The following IL16 variants were observed in gnomAD, a reference collection of about 807,000 sequenced individuals.
IL16 encodes the protein pro-interleukin-16.
IL16 carries 67 observed loss-of-function variants against 110.1 expected under a neutral mutation model. The observed-to-expected ratio is 0.61, with a 90% CI of 0.50 to 0.75. IL16 has a LOEUF of 0.75. Ranked by LOEUF, IL16 falls within the 30% of genes least tolerant of loss-of-function variation. The pLI, the probability that IL16 is intolerant of heterozygous loss-of-function variation, is 0.00. For synonymous variants in IL16, 689 were observed against 662.9 expected, an observed-to-expected ratio of 1.04 and a Z score of -0.61; for missense variants, 1,545 against 1,655.0, an observed-to-expected ratio of 0.93 and a Z score of 1.15.
chr15:81,290,675 G>T, intron 11 of IL16, 135 bp downstream of exon 11: 1 of 512,444 alleles, frequency 2.0e-6, no homozygotes. Flanking sequence ...GTAGACAAAG[G>T]CTGAAAACTA....
At chr15:81,182,883 G>C (rs554802930) in exon 1 of IL16, 39 of 1,289,392 alleles carry the variant, frequency 3.0e-5, no homozygotes, top group Non-Finnish European at 3.6e-5. Context: ...GAGTCTTCCC[G>C]AGAAGGCAGA....
intron 1 of IL16, among the ~76,000 whole-genome samples, chr15:81,189,336 C>T (rs566887377): frequency 5.9e-5 from 9 of 152,216 alleles, no homozygotes; most frequent in Non-Finnish European, 1.2e-4. Flanking sequence ...GTTGACCCAG[C>T]TTGTGTCCAA....
chr15:81,208,730 T>C (rs191166606), intron 1 of IL16, among the ~76,000 whole-genome samples: 1 of 152,330 alleles, frequency 6.6e-6, no homozygotes, highest in Non-Finnish European at 1.5e-5. Flanking sequence ...ATGATGCATA[T>C]TATCAAATAT....
chr15:81,286,947 C>T (rs1899479318), intron 10 of IL16, among the ~76,000 whole-genome samples: 1 of 152,178 alleles, frequency 6.6e-6, no homozygotes, highest in Non-Finnish European at 1.5e-5. Flanking sequence ...AAAGGGGAAA[C>T]CCCTTATAAA....
At chr15:81,199,030 A>AAAAATAT (rs1555411597) in intron 1 of IL16, among the ~76,000 whole-genome samples, 1 of 104,202 alleles carries the variant, frequency 9.6e-6, no homozygotes, top group South Asian at 3.3e-4. Context: ...AAAAAAAAAA[A>AAAAATAT]ATATATATAT....
intron 5 of IL16, 23 bp downstream of exon 5, chr15:81,269,671 A>G: frequency 6.4e-7 from 1 of 1,553,574 alleles, no homozygotes; most frequent in Non-Finnish European, 8.9e-7. Context: ...TGTGGCCAAC[A>G]GGAAGTCCTG....
rs772823422 is a variant in IL16, at chr15:81,265,651, T to C, written c.422-8T>C. The C allele has an allele frequency of 6.2e-7, 1 of 1,612,240 alleles. No homozygotes were observed. The highest frequency in any genetic ancestry group is 8.5e-7 in the Non-Finnish European group (1 of 1,179,376). Reference sequence around the variant, plus strand: ...TGATTTCTTGCTGTTTTTCCTCTTCTGGTTTAGGTGTTAATCCCTATTGCA... The same window carrying C: ...TGATTTCTTGCTGTTTTTCCTCTTCCGGTTTAGGTGTTAATCCCTATTGCA... On this transcript the variant is annotated splice_polypyrimidine_tract_variant and splice_region_variant and intron_variant, in intron 3 of 18. Transcript: ENST00000683961.
intron 7 of IL16, among the ~76,000 whole-genome samples, chr15:81,279,295 C>T (rs1178783729): frequency 6.6e-6 from 1 of 152,150 alleles, no homozygotes; most frequent in African/African-American, 2.4e-5. Flanking sequence ...ATCCATCTAT[C>T]TATCCATCCA....
chr15:81,234,531 A>G (rs1374014460), intron 2 of IL16, among the ~76,000 whole-genome samples: 1 of 152,040 alleles, frequency 6.6e-6, no homozygotes, highest in Admixed American at 6.6e-5. Context: ...AGGACACACA[A>G]CTCCATTTAT....
chr15:81,184,893 A>T (rs765385947), intron 1 of IL16, among the ~76,000 whole-genome samples: 13 of 152,176 alleles, frequency 8.5e-5, no homozygotes, highest in Non-Finnish European at 1.2e-4. Flanking sequence ...ACATGTGCAG[A>T]TTCTGAGCAT....
At chr15:81,254,241 G>C (rs1029183468) in intron 2 of IL16, among the ~76,000 whole-genome samples, 1 of 152,152 alleles carries the variant, frequency 6.6e-6, no homozygotes, top group African/African-American at 2.4e-5. Flanking sequence ...GTCAGCCAGG[G>C]CTGGCTACAT....
intron 2 of IL16, among the ~76,000 whole-genome samples, chr15:81,233,011 T>A (rs1028291548): frequency 3.3e-5 from 5 of 152,188 alleles, no homozygotes; most frequent in African/African-American, 9.6e-5. Flanking sequence ...TGGAAAGGTT[T>A]TAAATTATCA....
Position 81,231,393 on chromosome 15 carries a change from G to C in IL16, c.312+5682G>C, listed in dbSNP as rs72744148. Among the ~76,000 whole-genome samples the C allele has an allele frequency of 7.9e-3, 875 of 110,630 alleles. 4 individuals are homozygous for C. Among genetic ancestry groups the C allele is most frequent in the Non-Finnish European group, 0.012 (644 of 55,072 alleles). The allele number at this position is 110,630 out of a possible 152,430, so 72.6% of individuals were successfully genotyped here. A position where few individuals can be genotyped will look rare whatever the true frequency, so the allele number is the denominator to read the frequency against. On this transcript the variant is annotated intron_variant, in intron 2 of 18. Transcript: ENST00000683961. Reference sequence around the variant, plus strand: ...CTCTCTCTCTCTCTCCCTCTCTTAAGACAGGGTCTTGCTTTGTCACCCAGG... The same window carrying C: ...CTCTCTCTCTCTCTCCCTCTCTTAACACAGGGTCTTGCTTTGTCACCCAGG...
chr15:81,211,740 A>G (rs1896251833), intron 1 of IL16, among the ~76,000 whole-genome samples: 3 of 152,180 alleles, frequency 2.0e-5, no homozygotes. Context: ...GAATTTTATC[A>G]GAAGTTTTTT....
chr15:81,253,075 T>C (rs886297020), intron 2 of IL16, among the ~76,000 whole-genome samples: 5 of 152,174 alleles, frequency 3.3e-5, no homozygotes, highest in African/African-American at 1.2e-4. Context: ...CCCTGCTCCA[T>C]TTTACATTTC....
intron 4 of IL16, among the ~76,000 whole-genome samples, chr15:81,269,172 T>C (rs1898520749): frequency 6.6e-6 from 1 of 151,600 alleles, no homozygotes; most frequent in South Asian, 2.1e-4. Flanking sequence ...TTGAACATAG[T>C]CTCAGGGCGT....
At chr15:81,296,825 G>T in intron 12 of IL16, 103 bp from the exon 13 acceptor site, 1 of 1,037,508 alleles carries the variant, frequency 9.6e-7, no homozygotes, top group Non-Finnish European at 1.4e-6. Context: ...CTCACTGAAA[G>T]CAGCTCAATA....
chr15:81,293,012 G>A lies in IL16; in HGVS notation c.1877G>A (p.Gly626Glu). Residue 626 changes from glycine to glutamate, a missense_variant, in exon 12 of 19, where the codon GGG becomes GAG. This residue lies in a region of IL16 where 1,185 missense variants were observed against 1,238.8 expected (regional missense o/e 0.96). Transcript: ENST00000683961. ...AGAGAGAACTCCTCATGCTCTTCTG[G>A]GCACACCCCACCCACCTGTGGCCAG... ...EERENSSCSS[G>E]HTPPTCGQEA... The A allele has an allele frequency of 1.2e-6, 2 of 1,609,910 alleles. No homozygotes were observed. Among genetic ancestry groups the A allele is most frequent in the East Asian group, 4.5e-5 (2 of 44,882 alleles).
intron 1 of IL16, among the ~76,000 whole-genome samples, chr15:81,218,879 C>T (rs1896522447): frequency 6.6e-6 from 1 of 151,964 alleles, no homozygotes. Context: ...ACAAAATCTC[C>T]CATTCATATA....
Sources: allele counts gnomAD v4.1 joint callset (sites outside exome capture counted in the v4.1 genomes callset), GRCh38; gene constraint gnomAD v4.1.1; regional missense constraint gnomAD v4.1.1; transcripts MANE v1.5; gene names NCBI Gene and HGNC (gene_info 2026-07-23, HGNC 2026-07-21).